The following ADAMTSL1 variants were observed in gnomAD, a reference collection of about 807,000 sequenced individuals.
ADAMTSL1 encodes ADAMTS like 1.
Under a neutral mutation model 201.8 loss-of-function variants are expected in ADAMTSL1, and 126 were observed. The observed-to-expected ratio is 0.62, with a 90% CI of 0.54 to 0.72. The LOEUF (loss-of-function observed/expected upper bound fraction) is 0.72, where lower values mean the gene tolerates loss of function less well. ADAMTSL1 is among the 30% of genes least tolerant of loss of function. The pLI is 0.00. For missense variants in ADAMTSL1, 2,679 were observed against 2,277.8 expected (o/e 1.18, Z -3.59); for synonymous variants, 1,121 against 903.4 (o/e 1.24, Z -4.32).
At position 18,651,135 on chromosome 9, in the gene ADAMTSL1, A is replaced by T. The variant is rs538853903; in HGVS notation, c.835-6504A>T. On this transcript the variant is annotated intron_variant, in intron 7 of 28. Transcript: ENST00000380548. Reference sequence around the variant, plus strand: ...CAGGAACAATGTGGCAGATGTGGCCATTCAGATAAATGGCTATGAGAGCAG... The same window carrying T: ...CAGGAACAATGTGGCAGATGTGGCCTTTCAGATAAATGGCTATGAGAGCAG... 2.6e-5 allele frequency: 4 copies of T among 152,362 alleles called. 1 individual carries two copies. Among genetic ancestry groups the T allele is most frequent in the African/African-American group, 9.6e-5 (4 of 41,586 alleles). 9.4% of individuals were successfully genotyped at this position (152,362 alleles called of 1,614,324 possible).
intron 2 of ADAMTSL1, among the ~76,000 whole-genome samples, chr9:18,391,429 T>A (rs1838039925): frequency 6.6e-6 from 1 of 152,170 alleles, no homozygotes; most frequent in Non-Finnish European, 1.5e-5. Flanking sequence ...GGATGTTACA[T>A]AGTTTAGTTG....
At chr9:18,704,725 T>A (rs1013750597) in intron 13 of ADAMTSL1, among the ~76,000 whole-genome samples, 3 of 152,224 alleles carry the variant, frequency 2.0e-5, no homozygotes, top group Admixed American at 2.0e-4. Flanking sequence ...CCTGCAGGGG[T>A]CATTTTTTAA....
At chr9:18,619,685 T>C (rs1299053166) in intron 4 of ADAMTSL1, among the ~76,000 whole-genome samples, 1 of 152,180 alleles carries the variant, frequency 6.6e-6, no homozygotes, top group Non-Finnish European at 1.5e-5. Flanking sequence ...GAGAGAGATT[T>C]TCATGATTAT....
At chr9:18,384,392 G>C (rs1394995820) in intron 2 of ADAMTSL1, among the ~76,000 whole-genome samples, 1 of 152,072 alleles carries the variant, frequency 6.6e-6, no homozygotes, top group Non-Finnish European at 1.5e-5. Context: ...CCCCAACATT[G>C]GGAATTACAA....
At chr9:18,103,524 G>C (rs912997112) in intron 1 of ADAMTSL1, among the ~76,000 whole-genome samples, 3 of 152,050 alleles carry the variant, frequency 2.0e-5, no homozygotes, top group African/African-American at 7.2e-5. Context: ...CTGAAAAATA[G>C]ATACAAAACC....
At chr9:18,779,104 C>T (rs1489404417) in intron 19 of ADAMTSL1, among the ~76,000 whole-genome samples, 1 of 152,236 alleles carries the variant, frequency 6.6e-6, no homozygotes, top group Non-Finnish European at 1.5e-5. Context: ...ATTCAATCCA[C>T]ATGATTGACA....
intron 2 of ADAMTSL1, among the ~76,000 whole-genome samples, chr9:18,218,794 A>G (rs546891777): frequency 3.3e-5 from 5 of 151,984 alleles, no homozygotes; most frequent in East Asian, 3.8e-4. Context: ...TTGCATAATG[A>G]TGTGTGCTTT....
intron 2 of ADAMTSL1, among the ~76,000 whole-genome samples, chr9:18,315,627 G>C (rs553698058): frequency 6.6e-6 from 1 of 152,114 alleles, no homozygotes; most frequent in African/African-American, 2.4e-5. Flanking sequence ...CTCTGAGTGC[G>C]GGGCCCACCG....
chr9:18,175,407 T>G (rs1828098333), intron 2 of ADAMTSL1, among the ~76,000 whole-genome samples: 1 of 152,198 alleles, frequency 6.6e-6, no homozygotes, highest in Non-Finnish European at 1.5e-5. Context: ...ACGATTAATA[T>G]GCACATTGCT....
chr9:17,984,792 C>T (rs1304445660), intron 1 of ADAMTSL1, among the ~76,000 whole-genome samples: 8 of 152,068 alleles, frequency 5.3e-5, no homozygotes, highest in African/African-American at 1.9e-4. Flanking sequence ...TAAATGAATG[C>T]GTAGCTGTAG....
chr9:18,637,989 T>C (rs558352570), intron 6 of ADAMTSL1, among the ~76,000 whole-genome samples: 49 of 152,260 alleles, frequency 3.2e-4, no homozygotes, highest in Non-Finnish European at 6.5e-4. Flanking sequence ...TGAGGCAGTT[T>C]GAGGAATGAA....
At chr9:18,698,732 T>A (rs1473816260) in intron 13 of ADAMTSL1, among the ~76,000 whole-genome samples, 1 of 152,188 alleles carries the variant, frequency 6.6e-6, no homozygotes, top group Non-Finnish European at 1.5e-5. Flanking sequence ...AAGAAGTACT[T>A]GCAAGCAATG....
At chr9:18,687,232 A>AC (rs1830893025) in intron 13 of ADAMTSL1, among the ~76,000 whole-genome samples, 2 of 152,210 alleles carry the variant, frequency 1.3e-5, no homozygotes, top group Admixed American at 6.5e-5. Context: ...CCTAAGTGTC[A>AC]CTTTTTTTTA....
At chr9:18,092,330 TCG>T (rs1824059400) in intron 1 of ADAMTSL1, among the ~76,000 whole-genome samples, 2 of 152,126 alleles carry the variant, frequency 1.3e-5, no homozygotes, top group Admixed American at 1.3e-4. Flanking sequence ...GAGGAAGGCT[TCG>T]CAAAGGAAGT....
chr9:18,836,909 T>C (rs901545142), intron 23 of ADAMTSL1, among the ~76,000 whole-genome samples: 6 of 152,214 alleles, frequency 3.9e-5, no homozygotes, highest in Non-Finnish European at 8.8e-5. Context: ...GGCCCTCAGC[T>C]TGAAGGTTAT....
At chr9:18,434,510 AG>A (rs1479521419) in intron 2 of ADAMTSL1, among the ~76,000 whole-genome samples, 7 of 152,212 alleles carry the variant, frequency 4.6e-5, no homozygotes, top group African/African-American at 1.7e-4. Context: ...GGGACACATG[AG>A]AACAGAAAAT....
chr9:18,688,139 T>TAG (rs1491006041), intron 13 of ADAMTSL1, among the ~76,000 whole-genome samples: 2 of 147,480 alleles, frequency 1.4e-5, no homozygotes, highest in African/African-American at 2.5e-5. Context: ...TATATATATA[T>TAG]AGAAACGTAG....
chr9:18,221,082 C>G (rs1344859782), intron 2 of ADAMTSL1, among the ~76,000 whole-genome samples: 1 of 152,060 alleles, frequency 6.6e-6, no homozygotes, highest in African/African-American at 2.4e-5. Flanking sequence ...GCCCGTTACT[C>G]CTAAATTTTA....
chr9:18,683,684 T>C (rs543254825), intron 12 of ADAMTSL1, among the ~76,000 whole-genome samples: 1 of 152,324 alleles, frequency 6.6e-6, no homozygotes, highest in Non-Finnish European at 1.5e-5. Context: ...TTGCTGTGCA[T>C]AGAGAACAAG....
Sources: allele counts gnomAD v4.1 joint callset (sites outside exome capture counted in the v4.1 genomes callset), GRCh38; gene constraint gnomAD v4.1.1; transcripts MANE v1.5; gene names NCBI Gene and HGNC (gene_info 2026-07-23, HGNC 2026-07-21).